Variants in PLXNC1 observed in about 807,000 individuals in gnomAD.
PLXNC1 encodes plexin C1.
In PLXNC1, 75 loss-of-function variants were observed where a neutral mutation model predicts 178.2. The observed-to-expected ratio is 0.42, with a 90% confidence interval of 0.35 to 0.51. The LOEUF (loss-of-function observed/expected upper bound fraction) is 0.51. Ranked by LOEUF, PLXNC1 falls within the 20% of genes least tolerant of loss-of-function variation. The pLI is 0.02. For synonymous variants in PLXNC1, 790 were observed against 779.9 expected (o/e 1.01, Z -0.22); for missense variants, 1,503 against 1,984.4 (o/e 0.76, Z 4.61).
At position 94,156,711 on chromosome 12, in the gene PLXNC1, T is replaced by C. The variant is rs1056208771; in HGVS notation, c.1062+6678T>C. On this transcript the variant is annotated intron_variant, in intron 1 of 30. Coordinates refer to ENST00000258526, the MANE Select transcript of PLXNC1 (RefSeq NM_005761.3). Reference sequence around the variant, plus strand: ...AGAGACACTGGAAACTTTCTTTCTTTTTTTTTTTTTTTTTTAAACAGAGTC... The same window carrying C: ...AGAGACACTGGAAACTTTCTTTCTTCTTTTTTTTTTTTTTTAAACAGAGTC... Among the ~76,000 whole-genome samples, 12 of 149,960 alleles carry C rather than the reference T, an allele frequency of 8.0e-5. No homozygotes were observed. The East Asian group carries it at 9.7e-4, about 12-fold the overall frequency.
intron 6 of PLXNC1, among the ~76,000 whole-genome samples, chr12:94,221,506 A>C (rs1963795685): frequency 6.6e-6 from 1 of 152,170 alleles, no homozygotes; most frequent in Non-Finnish European, 1.5e-5. Context: ...AAAGACTAGA[A>C]GTAGAGTTGA....
chr12:94,149,542 G>T lies in PLXNC1; in HGVS notation c.571G>T (p.Ala191Ser). The T allele has an allele frequency of 6.5e-7, 1 of 1,544,804 alleles. No individual in the cohort carries two copies. Among genetic ancestry groups the T allele is most frequent in the Non-Finnish European group, 8.7e-7 (1 of 1,150,706 alleles). Residue 191 changes from alanine (A) to serine (S), a missense_variant, in exon 1 of 31, where the codon GCG becomes TCG. Physicochemically the swap from Ala to Ser is moderately conservative, Grantham distance 99. Coordinates refer to ENST00000258526, the MANE Select transcript of PLXNC1 (RefSeq NM_005761.3). ...CTACGTGCTGCCTGAGCCGGAGACGGCGAGCCGCTGCAACCCCGCGGCATC... is the reference window on the plus strand; with the variant it reads ...CTACGTGCTGCCTGAGCCGGAGACGTCGAGCCGCTGCAACCCCGCGGCATC... ...ATYVLPEPET[A>S]SRCNPAASDH...
At chr12:94,150,769 T>C (rs3847797) in intron 1 of PLXNC1, 131,973 of 152,212 alleles carry the variant, frequency 0.87, 57,273 homozygotes, top group East Asian at 0.97. Context: ...TAGAGGGGAG[T>C]GCAAGGGAAA....
chr12:94,155,981 T>A (rs1459202234), intron 1 of PLXNC1, among the ~76,000 whole-genome samples: 2 of 152,194 alleles, frequency 1.3e-5, no homozygotes, highest in Non-Finnish European at 2.9e-5. Context: ...AGCAATGCTG[T>A]GTTATGGTTA....
intron 10 of PLXNC1, among the ~76,000 whole-genome samples, chr12:94,239,865 TC>T (rs1964336441): frequency 6.6e-6 from 1 of 152,204 alleles, no homozygotes; most frequent in Admixed American, 6.5e-5. Context: ...AGAATTTCCA[TC>T]TCTGTCTGGT....
intron 21 of PLXNC1, among the ~76,000 whole-genome samples, chr12:94,268,457 G>A (rs768355869): frequency 3.3e-5 from 5 of 152,160 alleles, no homozygotes; most frequent in Non-Finnish European, 7.3e-5. Context: ...TGAGGCAACA[G>A]TGAGACAGAA....
intron 21 of PLXNC1, among the ~76,000 whole-genome samples, chr12:94,270,723 T>A (rs1476849449): frequency 6.6e-6 from 1 of 152,086 alleles, no homozygotes; most frequent in Non-Finnish European, 1.5e-5. Context: ...ATAGAAAAAT[T>A]GGTGAGAGAA....
intron 14 of PLXNC1, 56 bp from the exon 15 acceptor site, chr12:94,251,370 T>G: frequency 9.7e-7 from 1 of 1,025,944 alleles, no homozygotes; most frequent in South Asian, 1.3e-5. Flanking sequence ...GGAAATTATG[T>G]AAATAAATAC....
Position 94,297,233 on chromosome 12 carries a change from T to C in PLXNC1, c.3966+13T>C. 1.2e-6 allele frequency: 2 copies of C among 1,614,006 alleles called. No individual in the cohort carries two copies. Among genetic ancestry groups the C allele is most frequent in the Non-Finnish European group, 1.7e-6 (2 of 1,179,836 alleles). On this transcript the variant is annotated intron_variant, in intron 25 of 30. Coordinates refer to ENST00000258526, the MANE Select transcript of PLXNC1 (RefSeq NM_005761.3). Reference sequence around the variant, plus strand: ...CCACTGCCATTTGGTGAGTTCAGGCTTTCTTGTGCTCACCACTGAACTGCA... The same window carrying C: ...CCACTGCCATTTGGTGAGTTCAGGCCTTCTTGTGCTCACCACTGAACTGCA...
chr12:94,297,068 G>A, intron 24 of PLXNC1, 121 bp from the exon 25 acceptor site: 1 of 906,478 alleles, frequency 1.1e-6, no homozygotes, highest in Non-Finnish European at 1.8e-6. Context: ...GAGAGCTCAA[G>A]TCAAAAAGCT....
chr12:94,264,126 C>T (rs1013090500), intron 20 of PLXNC1, among the ~76,000 whole-genome samples: 4 of 152,070 alleles, frequency 2.6e-5, no homozygotes, highest in African/African-American at 9.7e-5. Context: ...GGCCTAATGT[C>T]CATTGATTAC....
At chr12:94,226,963 C>T (rs959451084) in intron 8 of PLXNC1, among the ~76,000 whole-genome samples, 186 bp from the exon 9 acceptor site, 1 of 151,470 alleles carries the variant, frequency 6.6e-6, no homozygotes, top group African/African-American at 2.4e-5. Flanking sequence ...GCGGAGGTTG[C>T]AGTGAGCCGA....
At chr12:94,185,142 T>C (rs1428824848) in intron 3 of PLXNC1, among the ~76,000 whole-genome samples, 2 of 152,200 alleles carry the variant, frequency 1.3e-5, no homozygotes, top group Non-Finnish European at 2.9e-5. Context: ...ATTTGTGAAC[T>C]ACAAGGAAAT....
At chr12:94,229,617 A>C (rs1437160155) in intron 9 of PLXNC1, among the ~76,000 whole-genome samples, 1 of 152,122 alleles carries the variant, frequency 6.6e-6, no homozygotes, top group African/African-American at 2.4e-5. Context: ...TTGCATGTGG[A>C]TATCCAGTTT....
chr12:94,157,034 G>A (rs562411634), intron 1 of PLXNC1, among the ~76,000 whole-genome samples: 3 of 152,252 alleles, frequency 2.0e-5, no homozygotes, highest in Non-Finnish European at 4.4e-5. Flanking sequence ...TGTCACCTTC[G>A]GCTTTGGCTA....
intron 4 of PLXNC1, chr12:94,186,689 CG>C: frequency 2.1e-6 from 1 of 484,124 alleles, no homozygotes; most frequent in South Asian, 2.2e-5. Flanking sequence ...TCCCCAGTCT[CG>C]GGGCGGGAGG....
intron 27 of PLXNC1, among the ~76,000 whole-genome samples, chr12:94,299,775 G>C (rs1329367708): frequency 6.6e-6 from 1 of 152,096 alleles, no homozygotes; most frequent in Non-Finnish European, 1.5e-5. Flanking sequence ...GCCCAGGCTG[G>C]TCTCAAACTC....
At chr12:94,212,022 C>A (rs1460668815) in intron 5 of PLXNC1, among the ~76,000 whole-genome samples, 1 of 152,114 alleles carries the variant, frequency 6.6e-6, no homozygotes. Context: ...CGCCTGTAAT[C>A]CCAGCACGTT....
intron 4 of PLXNC1, among the ~76,000 whole-genome samples, chr12:94,208,515 C>T (rs892413740): frequency 6.6e-6 from 1 of 152,184 alleles, no homozygotes; most frequent in African/African-American, 2.4e-5. Context: ...TTCCTCATTC[C>T]GCTCGGATCC....
Sources: allele counts gnomAD v4.1 joint callset (sites outside exome capture counted in the v4.1 genomes callset), GRCh38; gene constraint gnomAD v4.1.1; transcripts MANE v1.5; gene names NCBI Gene and HGNC (gene_info 2026-07-23, HGNC 2026-07-21).